Variants in FZD3 observed in about 807,000 individuals in gnomAD.
The protein encoded by FZD3 is frizzled class receptor 3, also known as frizzled-3.
In FZD3, 30 loss-of-function variants were observed where a neutral mutation model predicts 60.7. The observed-to-expected ratio is 0.49, with a 90% CI of 0.37 to 0.67. The LOEUF (loss-of-function observed/expected upper bound fraction) is 0.67. Ranked by LOEUF, FZD3 falls within the 30% of genes least tolerant of loss-of-function variation. FZD3 has a pLI of 0.00. For synonymous variants in FZD3, 246 were observed against 275.2 expected (o/e 0.89, Z 1.05); for missense variants, 605 against 838.7 (o/e 0.72, Z 3.44).
At chr8:28,534,674 C>T (rs2130403640) in intron 5 of FZD3, among the ~76,000 whole-genome samples, 1 of 152,260 alleles carries the variant, frequency 6.6e-6, no homozygotes, top group South Asian at 2.1e-4. Flanking sequence ...TAATTTAATT[C>T]TAGATATCTC....
At chr8:28,524,462 A>G (rs547679519) in intron 4 of FZD3, among the ~76,000 whole-genome samples, 1 of 152,290 alleles carries the variant, frequency 6.6e-6, no homozygotes, top group Non-Finnish European at 1.5e-5. Context: ...CTTGTGCCAA[A>G]TCTGTATCAC....
intron 5 of FZD3, among the ~76,000 whole-genome samples, chr8:28,538,800 C>A (rs1244975266): frequency 1.6e-5 from 2 of 125,578 alleles, no homozygotes; most frequent in Admixed American, 1.8e-4. Flanking sequence ...ACTTGTTTTT[C>A]CCCTTTTATA....
Position 28,555,977 on chromosome 8 carries a change from T to A in FZD3, c.1787+6T>A. 6.4e-7 allele frequency: 1 copy of A among 1,557,968 alleles called. No individual in the cohort carries two copies. Among genetic ancestry groups the A allele is most frequent in the South Asian group, 1.1e-5 (1 of 89,418 alleles). On this transcript the variant is annotated splice_donor_region_variant and intron_variant, in intron 7 of 7. Transcript: ENST00000240093. ...CACAGATCACGTGATGGCAGGTGAG[T>A]TTTGTTAGTAGTGTAGTTTATTTCA...
intron 5 of FZD3, among the ~76,000 whole-genome samples, chr8:28,550,548 G>A (rs1351442713): frequency 8.1e-6 from 1 of 123,234 alleles, no homozygotes; most frequent in Non-Finnish European, 1.6e-5. Flanking sequence ...CTGGAGTGCA[G>A]TAGCACAATC....
chr8:28,527,574 T>G lies in FZD3; in HGVS notation c.814T>G (p.Tyr272Asp). The part of the protein sequence containing the change: ...VACNASIPAQ[Y>D]KASTVTQGSH... The stretch of plus-strand genomic sequence containing the variant: ...CTGCAATGCATCCATCCCTGCACAA[T>G]ATAAGGCTTCCACAGTGACACAAGG... The change falls in exon 5 of 8, where the codon TAT becomes GAT. Residue 272 changes from tyrosine (Y) to aspartate (D), a missense_variant. Coordinates refer to ENST00000240093, the MANE Select transcript of FZD3 (RefSeq NM_017412.4). The surrounding 1 kb of genome is among the most constrained non-coding windows in gnomAD (Gnocchi z 5.0). 1 of 1,614,066 alleles carries G rather than the reference T, an allele frequency of 6.2e-7. No individual in the cohort carries two copies.
chr8:28,543,433 T>G (rs953361873), intron 5 of FZD3, among the ~76,000 whole-genome samples: 2 of 152,034 alleles, frequency 1.3e-5, no homozygotes, highest in African/African-American at 4.8e-5. Flanking sequence ...CATGCTGGAG[T>G]GCAGTGGCGC....
rs1452981898 is a variant in FZD3 at position 28,539,597 on chromosome 8, C to CT, written c.1404+11433_1404+11434insT. On this transcript the variant is annotated intron_variant, in intron 5 of 7. Transcript: ENST00000240093. ...TCCATTCAGGAACTGTTGTCACTTACCAGTTGTATGACAGACTCTGTATGA... is the reference window on the plus strand; with the variant it reads ...TCCATTCAGGAACTGTTGTCACTTACTCAGTTGTATGACAGACTCTGTATGA... 4.6e-5 allele frequency among the ~76,000 whole-genome samples: 7 copies of CT among 152,250 alleles called. No individual in the cohort carries two copies. In the South Asian group the frequency reaches 1.2e-3, roughly 27 times the overall value.
At chr8:28,549,403 T>C (rs895626873) in intron 5 of FZD3, among the ~76,000 whole-genome samples, 1 of 152,194 alleles carries the variant, frequency 6.6e-6, no homozygotes, top group African/African-American at 2.4e-5. Flanking sequence ...TTTATATACA[T>C]GAAAGTTATT....
intron 3 of FZD3, among the ~76,000 whole-genome samples, chr8:28,517,189 T>C (rs569766461): frequency 6.6e-6 from 1 of 152,346 alleles, no homozygotes; most frequent in South Asian, 2.1e-4. Flanking sequence ...ATATTTGCCT[T>C]CATTTGTAAA....
At chr8:28,517,614 A>G (rs1194844416) in intron 3 of FZD3, among the ~76,000 whole-genome samples, 4 of 151,310 alleles carry the variant, frequency 2.6e-5, no homozygotes, top group African/African-American at 9.7e-5. Flanking sequence ...TTTTTTCTGT[A>G]TTTTTTGGTC....
chr8:28,555,627 A>G (rs1805494038), intron 6 of FZD3, 111 bp from the exon 7 acceptor site: 2 of 691,862 alleles, frequency 2.9e-6, no homozygotes, highest in South Asian at 1.8e-5. Flanking sequence ...CTATAGATCT[A>G]ATTTGGCAAG....
At chr8:28,557,725 C>T (rs1256381379) in intron 7 of FZD3, among the ~76,000 whole-genome samples, 2 of 152,222 alleles carry the variant, frequency 1.3e-5, no homozygotes, top group Admixed American at 1.3e-4. Context: ...TACCCTCTAA[C>T]ATCACCAGTG....
At chr8:28,537,012 CT>C (rs890151676) in intron 5 of FZD3, among the ~76,000 whole-genome samples, 1 of 151,814 alleles carries the variant, frequency 6.6e-6, no homozygotes, top group African/African-American at 2.4e-5. Context: ...TACTACTAAC[CT>C]TTTTTTTGTT....
chr8:28,530,520 A>G (rs1297256182), intron 5 of FZD3: 1 of 152,100 alleles, frequency 6.6e-6, no homozygotes, highest in Non-Finnish European at 1.5e-5. Context: ...ACTACATAAT[A>G]AGTGCTCAAA....
intron 6 of FZD3, among the ~76,000 whole-genome samples, chr8:28,552,760 T>C (rs1805436912): frequency 6.6e-6 from 1 of 152,196 alleles, no homozygotes; most frequent in African/African-American, 2.4e-5. Context: ...CAATTTCTGT[T>C]ATACAAATTA....
chr8:28,512,983 ATTTAC>A (rs1015744288), intron 3 of FZD3, among the ~76,000 whole-genome samples: 22 of 152,228 alleles, frequency 1.4e-4, no homozygotes, highest in African/African-American at 4.8e-4. Context: ...ATTATCAAAC[ATTTAC>A]TTTATTATTT....
rs1413388066 is a variant in FZD3 at position 28,566,779 on chromosome 8, G to A, written c.*3768G>A. On this transcript the variant is annotated 3_prime_UTR_variant, in exon 8 of 8. Coordinates refer to ENST00000240093, the MANE Select transcript of FZD3 (RefSeq NM_017412.4). Reference sequence around the variant, plus strand: ...ATATTTGGATGACTTACATAGTCTGGTGTAATGAAAATTCCCCTGGGATTG... The same window carrying A: ...ATATTTGGATGACTTACATAGTCTGATGTAATGAAAATTCCCCTGGGATTG... 2.6e-5 allele frequency: 4 copies of A among 152,060 alleles called. No homozygotes were observed. Among genetic ancestry groups the A allele is most frequent in the African/African-American group, 4.8e-5 (2 of 41,402 alleles). The allele number at this position is 152,060 out of a possible 1,614,324, so 9.4% of individuals were successfully genotyped here.
rs1353441381 is a variant in FZD3 at position 28,502,679 on chromosome 8, T to G, written c.-335T>G. 5.7e-6 allele frequency: 1 copy of G among 174,578 alleles called. No individual in the cohort carries two copies. Among genetic ancestry groups the G allele is most frequent in the African/African-American group, 2.4e-5 (1 of 42,340 alleles). The allele number at this position is 174,578 out of a possible 1,614,324, so 10.8% of individuals were successfully genotyped here. On this transcript the variant is annotated 5_prime_UTR_variant, in exon 3 of 8. Transcript: ENST00000240093. ...AAATAATACTTTTCAGATATTTCAG[T>G]TGAAGGAAGAAATAGCTCTTCTCCT...
At chr8:28,508,377 T>C (rs1804196686) in intron 3 of FZD3, among the ~76,000 whole-genome samples, 1 of 151,952 alleles carries the variant, frequency 6.6e-6, no homozygotes, top group Non-Finnish European at 1.5e-5. Flanking sequence ...CTAAGCCTAG[T>C]GATACTAAGT....
Sources: allele counts gnomAD v4.1 joint callset (sites outside exome capture counted in the v4.1 genomes callset), GRCh38; gene constraint gnomAD v4.1.1; non-coding constraint Gnocchi (gnomAD v3.1); transcripts MANE v1.5; gene names NCBI Gene and HGNC (gene_info 2026-07-23, HGNC 2026-07-21).